The following RABGEF1 variants were observed in gnomAD, a reference collection of about 807,000 sequenced individuals.
The protein encoded by RABGEF1 is rab5 GDP/GTP exchange factor.
RABGEF1 carries 26 observed loss-of-function variants against 57.3 expected under a neutral mutation model. The ratio of observed to expected loss-of-function variants is 0.45; its 90% CI spans 0.33 to 0.63. The LOEUF is 0.63. Among genes scored for constraint, RABGEF1 ranks in the 20% least tolerant of loss-of-function variants. RABGEF1 has a pLI of 0.02. For missense variants in RABGEF1, 464 were observed against 607.6 expected (o/e 0.76, Z 2.48); for synonymous variants, 185 against 210.7 (o/e 0.88, Z 1.06).
chr7:66,791,841 C>T (rs1391100392), intron 4 of RABGEF1, among the ~76,000 whole-genome samples: 6 of 152,226 alleles, frequency 3.9e-5, no homozygotes, highest in Middle Eastern at 3.4e-3. Context: ...ATGCCAGGTG[C>T]GGTGGCTCAC....
chr7:66,809,163 T>C lies in RABGEF1; in HGVS notation c.1355T>C (p.Ile452Thr). ...GGAATTGCAAGAGAAGTTCAAGACA[T>C]CGTTGAGAAATACCCACTGGAAATT... ...TDGIAREVQD[I>T]VEKYPLEIKP... Residue 452 changes from isoleucine to threonine, a missense_variant, in exon 9 of 9, where the codon ATC becomes ACC. Physicochemically the swap from Ile to Thr is moderately conservative, Grantham distance 89. Coordinates refer to ENST00000284957, the MANE Select transcript of RABGEF1 (RefSeq NM_014504.3). The C allele has an allele frequency of 6.2e-7, 1 of 1,614,190 alleles. No homozygotes were observed. The highest frequency in any genetic ancestry group is 8.5e-7 in the Non-Finnish European group (1 of 1,180,020).
At chr7:66,748,122 C>G (rs2129057305) in intron 1 of RABGEF1, among the ~76,000 whole-genome samples, 1 of 152,292 alleles carries the variant, frequency 6.6e-6, no homozygotes, top group East Asian at 1.9e-4. Context: ...CTTTGGATTC[C>G]CAAAGACTTT....
chr7:66,734,202 C>T (rs1426634971), intron 2 of RABGEF1, among the ~76,000 whole-genome samples: 4 of 152,034 alleles, frequency 2.6e-5, no homozygotes, highest in Admixed American at 2.0e-4. Flanking sequence ...CCACAGAGTC[C>T]GGGGGCAGCT....
rs2129202886 is a variant in RABGEF1, at chr7:66,810,904, C to T, written c.*1620C>T. ...CATATAAGATCTATTAAGCTTGACACATCTGTGTCATCACGCACTGAAGAC... is the reference window on the plus strand; with the variant it reads ...CATATAAGATCTATTAAGCTTGACATATCTGTGTCATCACGCACTGAAGAC... On this transcript the variant is annotated 3_prime_UTR_variant, in exon 9 of 9. Transcript: ENST00000284957. 1 of 152,330 alleles carries T rather than the reference C, an allele frequency of 6.6e-6. No individual in the cohort carries two copies. The highest frequency in any genetic ancestry group is 3.4e-3 in the Middle Eastern group (1 of 294). 9.4% of individuals were successfully genotyped at this position (152,330 alleles called of 1,614,324 possible).
At chr7:66,744,189 G>T (rs1420994119) in intron 1 of RABGEF1, among the ~76,000 whole-genome samples, 1 of 151,464 alleles carries the variant, frequency 6.6e-6, no homozygotes, top group Non-Finnish European at 1.5e-5. Flanking sequence ...ATAGATAGGC[G>T]CGCGCCACCA....
chr7:66,803,968 CT>C (rs1202574189), intron 7 of RABGEF1, among the ~76,000 whole-genome samples: 2 of 151,844 alleles, frequency 1.3e-5, no homozygotes, highest in East Asian at 3.9e-4. Flanking sequence ...TATTCCCTTG[CT>C]TGATCCCCTC....
In RABGEF1 at chr7:66,705,443, A is replaced by AAGAGAGAG. The variant is rs57856916; in HGVS notation, c.-872-6687_-872-6680dup. 3.6e-3 allele frequency among the ~76,000 whole-genome samples: 240 copies of AAGAGAGAG among 66,252 alleles called. 5 individuals carry two copies. The highest frequency in any genetic ancestry group is 0.011 in the African/African-American group (145 of 13,092). 43.5% of individuals were successfully genotyped at this position (66,252 alleles called of 152,430 possible). On this transcript the variant is annotated intron_variant and NMD_transcript_variant, in intron 1 of 9. Transcript: ENST00000607882. ...CAGAGCGAAACTCCATCTCGAAAGA[A>AAGAGAGAG]AGAGAGAGAGAGAGAGAGAGAGAGA...
At chr7:66,755,968 C>A in intron 1 of RABGEF1, 1 of 1,002,250 alleles carries the variant, frequency 1.0e-6, no homozygotes, top group Non-Finnish European at 1.4e-6. Flanking sequence ...CATTCACATT[C>A]ATTTTGGAAG....
At chr7:66,749,801 C>T (rs923413790) in intron 1 of RABGEF1, among the ~76,000 whole-genome samples, 1 of 151,998 alleles carries the variant, frequency 6.6e-6, no homozygotes, top group African/African-American at 2.4e-5. Flanking sequence ...TAAACCCCGT[C>T]TCTACTAAAA....
At chr7:66,725,426 C>G (rs1796483520) in intron 2 of RABGEF1, among the ~76,000 whole-genome samples, 1 of 152,174 alleles carries the variant, frequency 6.6e-6, no homozygotes, top group African/African-American at 2.4e-5. Flanking sequence ...ATAGATTTGT[C>G]TATTCATATA....
rs188367798 is a variant in RABGEF1 at position 66,756,273 on chromosome 7, G to A, written c.-18+15481G>A. Among the ~76,000 whole-genome samples, 263 of 152,244 alleles carry A rather than the reference G, an allele frequency of 1.7e-3. 1 individual carries two copies. Among genetic ancestry groups the A allele is most frequent in the African/African-American group, 5.9e-3 (247 of 41,552 alleles). Reference sequence around the variant, plus strand: ...CCTGTCAGATTGACAAAAAATTAAAGTTCGATAATGCTATGCTTATGAGGT... The same window carrying A: ...CCTGTCAGATTGACAAAAAATTAAAATTCGATAATGCTATGCTTATGAGGT... On this transcript the variant is annotated intron_variant, in intron 1 of 8. Coordinates refer to ENST00000284957, the MANE Select transcript of RABGEF1 (RefSeq NM_014504.3).
At chr7:66,691,303 C>T (rs529570587) in intron 1 of RABGEF1, among the ~76,000 whole-genome samples, 1 of 152,244 alleles carries the variant, frequency 6.6e-6, no homozygotes, top group East Asian at 1.9e-4. Context: ...AAATATACAT[C>T]TACACAAAGA....
intron 4 of RABGEF1, among the ~76,000 whole-genome samples, chr7:66,792,070 CCACT>C (rs1812808750): frequency 6.6e-6 from 1 of 151,468 alleles, no homozygotes; most frequent in East Asian, 1.9e-4. Context: ...TGAGATCACG[CCACT>C]GCACTGCAGC....
chr7:66,767,183 A>C (rs865917205), intron 1 of RABGEF1, among the ~76,000 whole-genome samples: 1 of 151,428 alleles, frequency 6.6e-6, no homozygotes, highest in Non-Finnish European at 1.5e-5. Flanking sequence ...TTGTATGTTT[A>C]ATAGAGACGA....
chr7:66,674,335 A>G, the RABGEF1 span, among the ~76,000 whole-genome samples: 3 of 151,710 alleles, frequency 2.0e-5, no homozygotes, highest in Non-Finnish European at 4.4e-5. Context: ...GATTACAGGC[A>G]CCCACCACCA....
rs546928204 is a variant in RABGEF1 at position 66,694,443 on chromosome 7, T to A, written c.-873+12185T>A. Among the ~76,000 whole-genome samples, 6 of 152,324 alleles carry A rather than the reference T, an allele frequency of 3.9e-5. No individual in the cohort carries two copies. In the South Asian group the frequency reaches 1.2e-3, roughly 32 times the overall value. On this transcript the variant is annotated intron_variant and NMD_transcript_variant, in intron 1 of 9. Coordinates refer to the RABGEF1 transcript ENST00000607882. ...GGGGAGTTGGACGGAACATAAGGTC[T>A]GGCTGGAAAGGTGGGAAAGGACCAG...
intron 4 of RABGEF1, among the ~76,000 whole-genome samples, chr7:66,786,970 G>T (rs1195138127): frequency 1.3e-5 from 2 of 152,144 alleles, no homozygotes; most frequent in Admixed American, 6.5e-5. Flanking sequence ...TTAAATTGCT[G>T]AGCCAAATTA....
chr7:66,690,124 C>T (rs1386234969), intron 1 of RABGEF1, among the ~76,000 whole-genome samples: 12 of 129,582 alleles, frequency 9.3e-5, no homozygotes, highest in East Asian at 2.3e-4. Flanking sequence ...TTTTTTGAGA[C>T]GGAGTCTCGC....
At chr7:66,746,483 G>A (rs113036239) in intron 1 of RABGEF1, among the ~76,000 whole-genome samples, 1 of 151,624 alleles carries the variant, frequency 6.6e-6, no homozygotes, top group Non-Finnish European at 1.5e-5. Flanking sequence ...TAGAGACGGG[G>A]TTTCACCATA....
Sources: allele counts gnomAD v4.1 joint callset (sites outside exome capture counted in the v4.1 genomes callset), GRCh38; gene constraint gnomAD v4.1.1; transcripts MANE v1.5; gene names NCBI Gene and HGNC (gene_info 2026-07-23, HGNC 2026-07-21).